ARFGEF3: variants seen among roughly 807,000 people sequenced by gnomAD.
ARFGEF3 encodes the protein brefeldin A-inhibited guanine nucleotide-exchange protein 3.
In ARFGEF3, 96 loss-of-function variants were observed where a neutral mutation model predicts 221.7. That is an observed-to-expected ratio of 0.43 (90% confidence interval 0.37 to 0.51). The LOEUF is 0.51. Ranked by LOEUF, ARFGEF3 falls within the 20% of genes least tolerant of loss-of-function variation. The pLI, the probability that ARFGEF3 is intolerant of heterozygous loss-of-function variation, is 0.00. For synonymous variants in ARFGEF3, 1,145 were observed against 1,126.8 expected (o/e 1.02, Z -0.32); for missense variants, 2,410 against 2,789.9 (o/e 0.86, Z 3.07).
At chr6:138,232,797 C>T (rs947058438) in intron 5 of ARFGEF3, among the ~76,000 whole-genome samples, 1 of 152,112 alleles carries the variant, frequency 6.6e-6, no homozygotes, top group Non-Finnish European at 1.5e-5. Context: ...CATGTATTCT[C>T]CTTTAATTTC....
intron 20 of ARFGEF3, 52 bp from the exon 21 acceptor site, chr6:138,296,758 G>C: frequency 1.3e-6 from 2 of 1,596,278 alleles, no homozygotes; most frequent in South Asian, 2.3e-5. Flanking sequence ...GAATAGGTCA[G>C]ACTATGTCTG....
At chr6:138,311,601 C>A (rs375324361) in intron 25 of ARFGEF3, 91 bp downstream of exon 25, 1 of 818,556 alleles carries the variant, frequency 1.2e-6, no homozygotes, top group Non-Finnish European at 2.0e-6. Context: ...TGCTGAAGCC[C>A]GAGAGAGACA....
At position 138,321,277 on chromosome 6, in the gene ARFGEF3, A is replaced by T. The variant is rs930564717; in HGVS notation, c.4766+52A>T. ...ACAAAGCTGGAGTTTTTATTTAAAAATCTAAAGAAATTAAATTGTCTTTGT... is the reference window on the plus strand; with the variant it reads ...ACAAAGCTGGAGTTTTTATTTAAAATTCTAAAGAAATTAAATTGTCTTTGT... On this transcript the variant is annotated intron_variant, in intron 29 of 33. Transcript: ENST00000251691. 9 of 1,016,810 alleles carry T rather than the reference A, an allele frequency of 8.9e-6. No homozygotes were observed. In the African/African-American group the frequency reaches 1.5e-4, roughly 17 times the overall value. The allele number at this position is 1,016,810 out of a possible 1,614,324, so 63.0% of individuals were successfully genotyped here.
At chr6:138,237,873 A>G (rs1489335767) in intron 5 of ARFGEF3, among the ~76,000 whole-genome samples, 2 of 152,248 alleles carry the variant, frequency 1.3e-5, no homozygotes, top group African/African-American at 4.8e-5. Flanking sequence ...GGACGTGTCA[A>G]TTCGAAGAGT....
chr6:138,204,339 CAAAAAAAAAAAAAAA>C (rs11336345), intron 2 of ARFGEF3, among the ~76,000 whole-genome samples: 3 of 60,400 alleles, frequency 5.0e-5, no homozygotes, highest in African/African-American at 1.6e-4. Flanking sequence ...ACTCCATCTC[CAAAAAAAAAAAAAAA>C]AAAAAAAAAA....
chr6:138,200,582 C>A (rs1777516663), intron 2 of ARFGEF3, among the ~76,000 whole-genome samples: 1 of 151,990 alleles, frequency 6.6e-6, no homozygotes, highest in South Asian at 2.1e-4. Context: ...GGAAAGGACA[C>A]CCTTTTCAAC....
chr6:138,264,708 C>G (rs1188101980), intron 12 of ARFGEF3, among the ~76,000 whole-genome samples: 1 of 152,136 alleles, frequency 6.6e-6, no homozygotes, highest in African/African-American at 2.4e-5. Flanking sequence ...GTCTCACTTC[C>G]TTTTTATTTT....
intron 31 of ARFGEF3, among the ~76,000 whole-genome samples, chr6:138,324,501 G>A (rs906061848): frequency 3.3e-5 from 5 of 152,174 alleles, no homozygotes; most frequent in Non-Finnish European, 7.3e-5. Context: ...GCCTAACAAT[G>A]GCAAACTTAT....
At chr6:138,204,656 T>C (rs1777597216) in intron 2 of ARFGEF3, among the ~76,000 whole-genome samples, 1 of 152,212 alleles carries the variant, frequency 6.6e-6, no homozygotes, top group Admixed American at 6.5e-5. Flanking sequence ...ATACATATAT[T>C]ATTTACATAT....
chr6:138,188,082 C>G (rs548631876), intron 2 of ARFGEF3, among the ~76,000 whole-genome samples: 2 of 152,260 alleles, frequency 1.3e-5, no homozygotes, highest in East Asian at 3.9e-4. Context: ...TTGAGAAATT[C>G]CCTTTTTCTC....
intron 2 of ARFGEF3, among the ~76,000 whole-genome samples, chr6:138,203,971 T>A (rs1294823686): frequency 6.6e-6 from 1 of 152,138 alleles, no homozygotes; most frequent in African/African-American, 2.4e-5. Flanking sequence ...GAGATCTTGA[T>A]GCCATGCTTG....
intron 2 of ARFGEF3, among the ~76,000 whole-genome samples, chr6:138,182,038 T>C (rs552533548): frequency 6.6e-6 from 1 of 152,306 alleles, no homozygotes; most frequent in Non-Finnish European, 1.5e-5. Flanking sequence ...GGGTGCAGAC[T>C]AGAATCATGT....
chr6:138,235,514 T>G (rs1416613395), intron 5 of ARFGEF3, among the ~76,000 whole-genome samples: 1 of 152,192 alleles, frequency 6.6e-6, no homozygotes, highest in Non-Finnish European at 1.5e-5. Flanking sequence ...ACTGATGAGC[T>G]CTGTCCCAGA....
rs372691163 is a variant in ARFGEF3, at chr6:138,334,796, G to A, written c.5950G>A (p.Gly1984Arg). The change falls in exon 33 of 34, where the codon GGG becomes AGG. Residue 1984 changes from glycine (G) to arginine (R), a missense_variant. By Grantham distance (125) the Gly-to-Arg change is moderately radical. Transcript: ENST00000251691. This position sits in a 1 kb window ranked among gnomAD's most constrained non-coding sequence, Gnocchi z 5.1. ...GESLSLKAGG[G>R]DLLLPPSPKV... ...GTCCCTGAGCCTGAAGGCCGGTGGTGGGGACCTGCTGCTGCCCCCCAGCCC... is the reference window on the plus strand; with the variant it reads ...GTCCCTGAGCCTGAAGGCCGGTGGTAGGGACCTGCTGCTGCCCCCCAGCCC... 6.0e-5 allele frequency: 96 copies of A among 1,605,472 alleles called. No homozygotes were observed. In the East Asian group the frequency reaches 2.1e-3, roughly 35 times the overall value.
intron 2 of ARFGEF3, among the ~76,000 whole-genome samples, chr6:138,205,111 G>A (rs1056267406): frequency 2.0e-5 from 3 of 152,202 alleles, no homozygotes; most frequent in Non-Finnish European, 2.9e-5. Context: ...ATAGATAGGC[G>A]AACATATTGC....
intron 29 of ARFGEF3, among the ~76,000 whole-genome samples, chr6:138,321,518 T>A (rs1158464993): frequency 6.6e-6 from 1 of 152,164 alleles, no homozygotes; most frequent in African/African-American, 2.4e-5. Context: ...GAAACGCAAA[T>A]TGAATGTACA....
chr6:138,169,493 G>T (rs1776786223), intron 1 of ARFGEF3, among the ~76,000 whole-genome samples: 1 of 152,196 alleles, frequency 6.6e-6, no homozygotes, highest in Non-Finnish European at 1.5e-5. Context: ...TGCTGATCTG[G>T]TTGTTCACTG....
At chr6:138,310,769 A>G (rs1779812247) in intron 24 of ARFGEF3, among the ~76,000 whole-genome samples, 1 of 152,242 alleles carries the variant, frequency 6.6e-6, no homozygotes, top group Non-Finnish European at 1.5e-5. Context: ...AAAAACCTAG[A>G]TACCGCTCTA....
intron 5 of ARFGEF3, among the ~76,000 whole-genome samples, chr6:138,237,745 A>G (rs1778314071): frequency 6.6e-6 from 1 of 152,168 alleles, no homozygotes; most frequent in African/African-American, 2.4e-5. Flanking sequence ...GCGTAGGTGC[A>G]AGGAGATGAG....
Sources: gnomAD v4.1 joint callset for allele counts (sites outside exome capture counted in the v4.1 genomes callset) on GRCh38, gnomAD v4.1.1 for gene constraint, Gnocchi (gnomAD v3.1) non-coding constraint, MANE v1.5 for transcripts, NCBI Gene and HGNC (gene_info 2026-07-23, HGNC 2026-07-21) for gene names.